Variants in KCNH5 observed in about 807,000 individuals in gnomAD.
KCNH5 encodes voltage-gated delayed rectifier potassium channel KCNH5.
A neutral mutation model predicts 96.1 loss-of-function variants in KCNH5; 46 were observed. That is an observed-to-expected ratio of 0.48 (90% CI 0.38 to 0.61). The LOEUF (loss-of-function observed/expected upper bound fraction) is 0.61. Among genes scored for constraint, KCNH5 ranks in the 20% least tolerant of loss-of-function variants. The pLI is 0.00. For synonymous variants in KCNH5, 439 were observed against 449.8 expected, an observed-to-expected ratio of 0.98 and a Z score of 0.30; for missense variants, 907 against 1,225.8, an observed-to-expected ratio of 0.74 and a Z score of 3.88.
chr14:62,853,466 TATATATATATATATC>T, intron 7 of KCNH5, among the ~76,000 whole-genome samples: 1 of 125,532 alleles, frequency 8.0e-6, no homozygotes, highest in East Asian at 3.0e-4. Context: ...CATATATATA[TATATATATATATATC>T]ATATATATAT....
intron 8 of KCNH5, among the ~76,000 whole-genome samples, chr14:62,816,930 T>G (rs2140013005): frequency 6.6e-6 from 1 of 151,220 alleles, no homozygotes; most frequent in Non-Finnish European, 1.5e-5. Flanking sequence ...GCAGTTGAAT[T>G]CTCTATTGCA....
intron 10 of KCNH5, among the ~76,000 whole-genome samples, chr14:62,740,579 G>C (rs1163160980): frequency 6.6e-6 from 1 of 152,072 alleles, no homozygotes; most frequent in Non-Finnish European, 1.5e-5. Context: ...ATATTTAAGA[G>C]ACATAAGCCC....
At chr14:63,024,402 A>G (rs572776122) in intron 1 of KCNH5, among the ~76,000 whole-genome samples, 2 of 152,136 alleles carry the variant, frequency 1.3e-5, no homozygotes, top group South Asian at 4.2e-4. Flanking sequence ...AACTAAGCCC[A>G]AAGTTAGTAG....
intron 7 of KCNH5, among the ~76,000 whole-genome samples, chr14:62,914,307 T>A (rs935490750): frequency 6.6e-6 from 1 of 152,094 alleles, no homozygotes; most frequent in Non-Finnish European, 1.5e-5. Flanking sequence ...GCCACCCTTA[T>A]AAATTGAAAG....
intron 6 of KCNH5, among the ~76,000 whole-genome samples, chr14:62,978,150 A>C (rs1890536760): frequency 6.6e-6 from 1 of 152,158 alleles, no homozygotes; most frequent in South Asian, 2.1e-4. Flanking sequence ...CTCTACAGAA[A>C]GTTTTTTAAA....
intron 1 of KCNH5, among the ~76,000 whole-genome samples, chr14:63,044,261 A>T (rs900419376): frequency 3.9e-5 from 6 of 152,242 alleles, no homozygotes; most frequent in Admixed American, 2.6e-4. Flanking sequence ...TGCAAAGTTT[A>T]TAAGGTCTTA....
At chr14:62,890,503 G>A (rs1888685918) in intron 7 of KCNH5, among the ~76,000 whole-genome samples, 2 of 151,574 alleles carry the variant, frequency 1.3e-5, no homozygotes, top group Non-Finnish European at 2.9e-5. Context: ...AGACCATCCC[G>A]GCTAACACGG....
chr14:62,816,272 ATATAAG>A (rs749291786), intron 8 of KCNH5, among the ~76,000 whole-genome samples: 30 of 152,110 alleles, frequency 2.0e-4, no homozygotes, highest in South Asian at 6.2e-4. Context: ...TTATAGATTT[ATATAAG>A]TATATCAGTG....
At chr14:63,010,980 C>CTGTA (rs929325712) in intron 2 of KCNH5, among the ~76,000 whole-genome samples, 1 of 152,122 alleles carries the variant, frequency 6.6e-6, no homozygotes, top group African/African-American at 2.4e-5. Context: ...TATCTGCAGG[C>CTGTA]TGTAGTTCAT....
chr14:62,797,916 C>A (rs1886573440), intron 9 of KCNH5, among the ~76,000 whole-genome samples: 1 of 151,928 alleles, frequency 6.6e-6, no homozygotes, highest in Non-Finnish European at 1.5e-5. Context: ...GGGGTTTCAC[C>A]ATGTTGGCCA....
At chr14:62,757,111 T>C (rs533177237) in intron 10 of KCNH5, among the ~76,000 whole-genome samples, 42 of 152,210 alleles carry the variant, frequency 2.8e-4, no homozygotes, top group Non-Finnish European at 5.1e-4. Context: ...AGTCTAATAA[T>C]TTGATTTAAA....
At chr14:62,971,275 C>A (rs1309943478) in intron 6 of KCNH5, among the ~76,000 whole-genome samples, 1 of 152,012 alleles carries the variant, frequency 6.6e-6, no homozygotes, top group Non-Finnish European at 1.5e-5. Flanking sequence ...CTTTAGCCCT[C>A]CCCAAAATAC....
At chr14:62,935,625 T>C (rs1395557648) in intron 7 of KCNH5, among the ~76,000 whole-genome samples, 1 of 152,178 alleles carries the variant, frequency 6.6e-6, no homozygotes. Flanking sequence ...TTCCCACCCC[T>C]GCCTGCCAAG....
At chr14:62,824,699 A>G (rs1259089349) in intron 8 of KCNH5, among the ~76,000 whole-genome samples, 1 of 152,040 alleles carries the variant, frequency 6.6e-6, no homozygotes, top group Non-Finnish European at 1.5e-5. Context: ...GAAGTTCAGT[A>G]AACGAATGAT....
intron 8 of KCNH5, among the ~76,000 whole-genome samples, chr14:62,836,904 A>C (rs1031515663): frequency 6.6e-6 from 1 of 152,118 alleles, no homozygotes; most frequent in Non-Finnish European, 1.5e-5. Flanking sequence ...ATAAAGTTTG[A>C]AGTCAGAATC....
intron 6 of KCNH5, among the ~76,000 whole-genome samples, chr14:62,966,680 C>T (rs1270050524): frequency 6.6e-6 from 1 of 152,150 alleles, no homozygotes; most frequent in Non-Finnish European, 1.5e-5. Flanking sequence ...ACGAACTTTG[C>T]AAAGACCTAT....
chr14:62,974,268 ATTTCC>A lies in KCNH5; in HGVS notation c.942+6599_942+6603del, dbSNP rs565668621. 6.6e-5 allele frequency among the ~76,000 whole-genome samples: 10 copies of A among 152,236 alleles called. No individual in the cohort carries two copies. The East Asian group carries it at 1.4e-3, about 21-fold the overall frequency. On this transcript the variant is annotated intron_variant, in intron 6 of 10. Transcript: ENST00000322893. ...ATCATCAAAATTCCCCATGTTTCAT[ATTTCC>A]TGAATCCTCCTATGCTACCAAACAG...
intron 8 of KCNH5, among the ~76,000 whole-genome samples, chr14:62,848,056 G>C (rs1020521855): frequency 2.6e-5 from 4 of 152,232 alleles, no homozygotes; most frequent in East Asian, 1.9e-4. Flanking sequence ...ATTTGTGCCA[G>C]AGGCCCTGGC....
At chr14:62,818,111 G>GGGGGGGGGGGGAAAAAA (rs1887033783) in intron 8 of KCNH5, among the ~76,000 whole-genome samples, 1 of 126,162 alleles carries the variant, frequency 7.9e-6, no homozygotes, top group African/African-American at 3.0e-5. Context: ...GCTGGGGGCG[G>GGGGGGGGGGGGAAAAAA]GGGGGGGGTG....
Sources: allele counts gnomAD v4.1 joint callset (sites outside exome capture counted in the v4.1 genomes callset), GRCh38; gene constraint gnomAD v4.1.1; transcripts MANE v1.5; gene names NCBI Gene and HGNC (gene_info 2026-07-23, HGNC 2026-07-21).